The following NUDT16L1 variants were observed in gnomAD, a reference collection of about 807,000 sequenced individuals.
NUDT16L1 encodes nudix hydrolase 16 like 1.
NUDT16L1 carries 19 observed loss-of-function variants against 17.3 expected under a neutral mutation model. The observed-to-expected ratio is 1.10, with a 90% CI of 0.77 to 1.61. NUDT16L1 has a LOEUF of 1.61. Ranked by LOEUF, NUDT16L1 falls within the 40% of genes most tolerant of loss-of-function variation. The probability of loss-of-function intolerance (pLI) is 0.00; values close to 1 mark genes in which losing one functional copy is unlikely to be tolerated. For missense variants in NUDT16L1, 341 were observed against 292.0 expected (o/e 1.17, Z -1.22); for synonymous variants, 255 against 138.6 (o/e 1.84, Z -5.90).
chr16:4,695,256 T>G (rs1157365175), exon 3 of NUDT16L1: 5 of 1,450,432 alleles, frequency 3.4e-6, no homozygotes, highest in East Asian at 2.3e-5. Flanking sequence ...TCTAGAGTGT[T>G]TGTGTGTACC....
chr16:4,693,588 G>A, upstream of NUDT16L1: 1 of 997,032 alleles, frequency 1.0e-6, no homozygotes, highest in East Asian at 3.5e-5. Flanking sequence ...GCTGCGAGGG[G>A]CTCGGTCCCG....
At chr16:4,693,639 G>A (rs1321742234), upstream of NUDT16L1, 6 of 1,306,050 alleles carry the variant, frequency 4.6e-6, no homozygotes, top group East Asian at 3.2e-5. Flanking sequence ...ACCCGGGGGC[G>A]CGGCCGCCCG....
In NUDT16L1 at chr16:4,693,834, C is replaced by T. The variant is rs368000745; in HGVS notation, c.108C>T (p.Asn36=). The change falls in exon 1 of 3, where the codon AAC becomes AAT. Residue 36 remains asparagine, a synonymous_variant. Transcript: ENST00000304301. ...GCCACGCCATGCTGTACGCCGCCAACCCTGGGCAGCTCTTCGGCCGCATCC... is the reference window on the plus strand; with the variant it reads ...GCCACGCCATGCTGTACGCCGCCAATCCTGGGCAGCTCTTCGGCCGCATCC... 7.7e-5 allele frequency: 121 copies of T among 1,564,584 alleles called. No individual in the cohort carries two copies. The African/African-American group carries it at 1.4e-3, about 18-fold the overall frequency.
At chr16:4,694,025 G>C (rs929040100) in exon 2 of NUDT16L1, 1 of 1,584,628 alleles carries the variant, frequency 6.3e-7, no homozygotes, top group Non-Finnish European at 8.5e-7. Context: ...GGGGCTTCGT[G>C]GACCGGCGCT....
At chr16:4,694,888 C>T (rs1406079232) in intron 2 of NUDT16L1, 70 bp from the exon 3 acceptor site, 6 of 1,531,968 alleles carry the variant, frequency 3.9e-6, no homozygotes, top group African/African-American at 1.4e-5. Flanking sequence ...TCATAGCTTC[C>T]AGGCCCCTCC....
At chr16:4,695,649 T>C (rs1218644788) in exon 3 of NUDT16L1, 2 of 411,520 alleles carry the variant, frequency 4.9e-6, no homozygotes, top group Non-Finnish European at 8.6e-6. Context: ...AGGAAGTTAA[T>C]AATACTGTTA....
chr16:4,693,986 G>A, exon 2 of NUDT16L1: 1 of 1,577,242 alleles, frequency 6.3e-7, no homozygotes, highest in Non-Finnish European at 8.6e-7. Context: ...AGATGCAGAT[G>A]CGTTTCGACG....
intron 2 of NUDT16L1, 84 bp from the exon 3 acceptor site, chr16:4,694,874 G>A: frequency 6.6e-7 from 1 of 1,513,074 alleles, no homozygotes; most frequent in East Asian, 2.5e-5. Context: ...CTCATACCCT[G>A]GCCTCATAGC....
exon 2 of NUDT16L1, chr16:4,694,236 G>C (rs1466198382): frequency 6.8e-7 from 1 of 1,480,990 alleles, no homozygotes; most frequent in Non-Finnish European, 8.9e-7. Context: ...CCACGGCCTG[G>C]AGGTGGGGCC....
intron 2 of NUDT16L1, chr16:4,694,549 T>G (rs1567266069): frequency 2.1e-6 from 3 of 1,451,506 alleles, no homozygotes; most frequent in Non-Finnish European, 2.7e-6. Flanking sequence ...GGGGATTGCT[T>G]GGGGAGTTGG....
At chr16:4,693,800 G>A in exon 1 of NUDT16L1, 3 of 1,571,960 alleles carry the variant, frequency 1.9e-6, no homozygotes, top group South Asian at 2.3e-5. Context: ...CCGGGCTGGA[G>A]CCACTCGTGC....
chr16:4,695,244 C>T (rs1303119535), exon 3 of NUDT16L1: 3 of 1,528,498 alleles, frequency 2.0e-6, no homozygotes, highest in Non-Finnish European at 2.7e-6. Context: ...CTAAGTGTGG[C>T]TTCTAGAGTG....
At chr16:4,694,921 C>T (rs1195272384) in intron 2 of NUDT16L1, 37 bp from the exon 3 acceptor site, 2 of 1,571,614 alleles carry the variant, frequency 1.3e-6, no homozygotes, top group Non-Finnish European at 1.7e-6. Flanking sequence ...CATTGTGTGG[C>T]AGGCCTGGCC....
intron 2 of NUDT16L1, chr16:4,694,632 C>T: frequency 2.1e-6 from 3 of 1,419,698 alleles, no homozygotes; most frequent in South Asian, 3.1e-5. Context: ...GGGATTTGTA[C>T]TTTGTGGTCT....
intron 2 of NUDT16L1, 47 bp downstream of exon 2, chr16:4,694,285 T>TGGCCCC (rs1458582601): frequency 6.1e-6 from 9 of 1,475,126 alleles, no homozygotes; most frequent in African/African-American, 2.9e-5. Context: ...GGTTTGGCTC[T>TGGCCCC]GGCCCCGTGG....
At chr16:4,695,105 C>G in exon 3 of NUDT16L1, 1 of 1,613,486 alleles carries the variant, frequency 6.2e-7, no homozygotes, top group Non-Finnish European at 8.5e-7. Flanking sequence ...CGAGGAGAAG[C>G]TGGTTGAGGC....
At chr16:4,695,473 A>G in exon 3 of NUDT16L1, 1 of 577,880 alleles carries the variant, frequency 1.7e-6, no homozygotes, top group Non-Finnish European at 3.1e-6. Context: ...GTCTCATCAC[A>G]GCTGGTAGAG....
chr16:4,694,733 G>T lies in NUDT16L1; in HGVS notation c.415-225G>T, dbSNP rs926709367. ...CCGGGGTGGGGTGGCCTGGGTACGA[G>T]GGGGGGGAGTGCATGGGGTCAGCCT... On this transcript the variant is annotated intron_variant, in intron 2 of 2. Coordinates refer to ENST00000304301, the Ensembl canonical transcript of NUDT16L1. 3.2e-5 allele frequency: 45 copies of T among 1,402,838 alleles called. No homozygotes were observed. In the African/African-American group the frequency reaches 5.3e-4, roughly 17 times the overall value. The allele number at this position is 1,402,838 out of a possible 1,614,324, so 86.9% of individuals were successfully genotyped here.
exon 3 of NUDT16L1, chr16:4,695,802 G>C (rs1014588517): frequency 2.6e-6 from 1 of 388,334 alleles, no homozygotes; most frequent in African/African-American, 2.1e-5. Context: ...TATGTACAAC[G>C]AAGCTGTCGA....
Sources: allele counts gnomAD v4.1 joint callset, GRCh38; gene constraint gnomAD v4.1.1; transcripts MANE v1.5; gene names NCBI Gene and HGNC (gene_info 2026-07-23, HGNC 2026-07-21).